Variants in EXOC4 observed in about 807,000 individuals in gnomAD.
EXOC4 encodes the protein SEC8-like 1.
In EXOC4, 71 loss-of-function variants were observed where a neutral mutation model predicts 107.2. That is an observed-to-expected ratio of 0.66 (90% CI 0.55 to 0.81). EXOC4 has a LOEUF of 0.81. EXOC4 is among the 30% of genes least tolerant of loss of function. EXOC4 has a pLI of 0.00. For missense variants in EXOC4, 1,108 were observed against 1,189.6 expected, an observed-to-expected ratio of 0.93 and a Z score of 1.01; for synonymous variants, 456 against 441.2, an observed-to-expected ratio of 1.03 and a Z score of -0.42.
At chr7:133,788,546 A>G (rs1394246870) in intron 10 of EXOC4, among the ~76,000 whole-genome samples, 1 of 152,028 alleles carries the variant, frequency 6.6e-6, no homozygotes, top group African/African-American at 2.4e-5. Flanking sequence ...GCTGGAGAGT[A>G]CAGTGGTGTG....
intron 9 of EXOC4, among the ~76,000 whole-genome samples, chr7:133,621,961 GTC>G (rs1263650121): frequency 6.6e-6 from 1 of 152,062 alleles, no homozygotes; most frequent in African/African-American, 2.4e-5. Flanking sequence ...TTGTCTGTCT[GTC>G]TGTCTGTCTG....
At chr7:133,822,364 T>C (rs2151222504) in intron 11 of EXOC4, among the ~76,000 whole-genome samples, 1 of 152,302 alleles carries the variant, frequency 6.6e-6, no homozygotes, top group East Asian at 1.9e-4. Flanking sequence ...ATTTATTTCT[T>C]CTTTGGTGTC....
At chr7:133,393,179 A>G (rs1334617729) in intron 7 of EXOC4, among the ~76,000 whole-genome samples, 6 of 152,036 alleles carry the variant, frequency 3.9e-5, no homozygotes, top group African/African-American at 2.4e-5. Context: ...TCAAGAACTC[A>G]TTGCATTTCT....
At chr7:133,490,230 G>A (rs952383839) in intron 9 of EXOC4, among the ~76,000 whole-genome samples, 2 of 152,180 alleles carry the variant, frequency 1.3e-5, no homozygotes, top group Non-Finnish European at 2.9e-5. Flanking sequence ...CTGCATGAGA[G>A]ATGAGTAAAC....
intron 10 of EXOC4, among the ~76,000 whole-genome samples, chr7:133,791,765 C>T (rs535176686): frequency 6.6e-6 from 1 of 152,112 alleles, no homozygotes; most frequent in African/African-American, 2.4e-5. Flanking sequence ...AGCTATTGGC[C>T]CATGGTCTTC....
At chr7:133,930,495 C>T (rs1464825298) in intron 13 of EXOC4, 1 of 152,102 alleles carries the variant, frequency 6.6e-6, no homozygotes, top group Non-Finnish European at 1.5e-5. Context: ...TTGCAGTTAG[C>T]TTTTTGCTTA....
At chr7:133,644,843 G>C (rs1301705120) in intron 10 of EXOC4, among the ~76,000 whole-genome samples, 1 of 152,048 alleles carries the variant, frequency 6.6e-6, no homozygotes, top group Admixed American at 6.6e-5. Context: ...TTTAGTAAGT[G>C]CATGAGAAAG....
intron 10 of EXOC4, among the ~76,000 whole-genome samples, chr7:133,632,141 C>G (rs1221376830): frequency 1.3e-5 from 2 of 152,050 alleles, no homozygotes; most frequent in African/African-American, 4.8e-5. Context: ...GTAGAAGACT[C>G]TGGTGGAACT....
chr7:133,498,198 G>A (rs1355136608), intron 9 of EXOC4, among the ~76,000 whole-genome samples: 1 of 152,102 alleles, frequency 6.6e-6, no homozygotes, highest in Admixed American at 6.5e-5. Flanking sequence ...AGGCATCCTT[G>A]ACTCCTCCTT....
chr7:133,479,977 T>C, intron 8 of EXOC4, 73 bp from the exon 9 acceptor site: 13 of 1,191,564 alleles, frequency 1.1e-5, no homozygotes, highest in Non-Finnish European at 1.6e-5. Flanking sequence ...AGTAGAATAA[T>C]GTGGAATACA....
intron 5 of EXOC4, among the ~76,000 whole-genome samples, chr7:133,317,952 C>T (rs1795029419): frequency 6.6e-6 from 1 of 151,760 alleles, no homozygotes; most frequent in African/African-American, 2.4e-5. Context: ...GCCACCACAC[C>T]CGGGCGACCA....
At chr7:133,701,997 C>CTTTTTTTTTTTTTTTT (rs71162021) in intron 10 of EXOC4, among the ~76,000 whole-genome samples, 44 of 66,570 alleles carry the variant, frequency 6.6e-4, no homozygotes, top group East Asian at 9.8e-4. Flanking sequence ...TTCTTTCTTT[C>CTTTTTTTTTTTTTTTT]TTTTTTTTTT....
chr7:134,031,589 G>A (rs1795272326), intron 17 of EXOC4, among the ~76,000 whole-genome samples: 1 of 152,146 alleles, frequency 6.6e-6, no homozygotes. Context: ...ACACTTGGGA[G>A]GGTAGAGACA....
At chr7:133,844,976 A>C (rs1160274888) in intron 11 of EXOC4, among the ~76,000 whole-genome samples, 1 of 152,180 alleles carries the variant, frequency 6.6e-6, no homozygotes, top group African/African-American at 2.4e-5. Context: ...TTTATTTGAA[A>C]GGGCCTTTGA....
chr7:133,738,908 G>T (rs1402509206), intron 10 of EXOC4, among the ~76,000 whole-genome samples: 1 of 152,058 alleles, frequency 6.6e-6, no homozygotes, highest in Non-Finnish European at 1.5e-5. Context: ...TTTATATATA[G>T]AATACACTTA....
chr7:133,461,740 C>A (rs1798598963), intron 7 of EXOC4, among the ~76,000 whole-genome samples: 1 of 152,184 alleles, frequency 6.6e-6, no homozygotes, highest in African/African-American at 2.4e-5. Flanking sequence ...TGTAGTTGTA[C>A]TCCAAGGAGC....
chr7:133,682,304 AC>A, intron 10 of EXOC4, among the ~76,000 whole-genome samples: 1 of 152,152 alleles, frequency 6.6e-6, no homozygotes, highest in South Asian at 2.1e-4. Context: ...TCCATTCTCA[AC>A]CATTTTGGTA....
At chr7:134,082,647 G>A in the EXOC4 span, among the ~76,000 whole-genome samples, 2 of 152,134 alleles carry the variant, frequency 1.3e-5, no homozygotes, top group Non-Finnish European at 2.9e-5. Flanking sequence ...CACCATGTTG[G>A]CCAGGATGGT....
At position 133,438,955 on chromosome 7, in the gene EXOC4, G is replaced by A. The variant is rs549532101; in HGVS notation, c.1183-36373G>A. On this transcript the variant is annotated intron_variant, in intron 7 of 17. Transcript: ENST00000253861. ...GGTGCTGATAGAACATAAGAACAAT[G>A]ACTGGGAATCAGGAAATTTGACTTA... Among the ~76,000 whole-genome samples the A allele has an allele frequency of 4.6e-5, 7 of 152,222 alleles. No homozygotes were observed. The South Asian group carries it at 1.5e-3, about 32-fold the overall frequency.
Sources: gnomAD v4.1 joint callset for allele counts (sites outside exome capture counted in the v4.1 genomes callset) on GRCh38, gnomAD v4.1.1 for gene constraint, MANE v1.5 for transcripts, NCBI Gene and HGNC (gene_info 2026-07-23, HGNC 2026-07-21) for gene names.